TARBP1: variants seen among roughly 807,000 people sequenced by gnomAD.
TARBP1 encodes the protein tRNA guanosine 2 -O-methyltransferase TARBP1.
A neutral mutation model predicts 178.6 loss-of-function variants in TARBP1; 144 were observed. The observed-to-expected ratio is 0.81, with a 90% CI of 0.70 to 0.93. TARBP1 has a LOEUF of 0.93. Among genes scored for constraint, TARBP1 ranks in the 40% least tolerant of loss-of-function variants. The pLI, the probability that TARBP1 is intolerant of heterozygous loss-of-function variation, is 0.00. For synonymous variants in TARBP1, 787 were observed against 781.0 expected (o/e 1.01, Z -0.13); for missense variants, 2,067 against 2,011.7 (o/e 1.03, Z -0.53).
chr1:234,472,134 C>A (rs192202220), intron 2 of TARBP1, among the ~76,000 whole-genome samples: 1 of 152,078 alleles, frequency 6.6e-6, no homozygotes, highest in South Asian at 2.1e-4. Context: ...GTCAGGAGTG[C>A]AAGACCAGCC....
intron 6 of TARBP1, 22 bp from the exon 7 acceptor site, chr1:234,460,418 T>G: frequency 6.2e-7 from 1 of 1,612,604 alleles, no homozygotes; most frequent in Non-Finnish European, 8.5e-7. Flanking sequence ...AGTTTTAAAT[T>G]ATCATTGTTG....
At chr1:234,459,986 T>TA (rs1210099718) in intron 7 of TARBP1, among the ~76,000 whole-genome samples, 2 of 152,078 alleles carry the variant, frequency 1.3e-5, no homozygotes, top group African/African-American at 2.4e-5. Flanking sequence ...AATGTAATTT[T>TA]AAAAAAAACT....
chr1:234,429,039 A>G (rs1222598257), intron 17 of TARBP1, 97 bp downstream of exon 17: 8 of 1,136,872 alleles, frequency 7.0e-6, no homozygotes, highest in Admixed American at 6.4e-5. Flanking sequence ...AGGAATAAAG[A>G]GCCAAAAATC....
At chr1:234,444,052 G>C (rs1209532304) in intron 12 of TARBP1, among the ~76,000 whole-genome samples, 3 of 152,200 alleles carry the variant, frequency 2.0e-5, no homozygotes, top group African/African-American at 7.2e-5. Flanking sequence ...CTGCACAACA[G>C]TGTGAACGTA....
chr1:234,401,072 T>C, intron 25 of TARBP1, 109 bp downstream of exon 25: 1 of 780,228 alleles, frequency 1.3e-6, no homozygotes. Flanking sequence ...GTGATGTTTG[T>C]AAGCAAGAAA....
chr1:234,449,572 TGTAACA>T (rs1481459461), intron 10 of TARBP1, among the ~76,000 whole-genome samples: 1 of 152,130 alleles, frequency 6.6e-6, no homozygotes. Context: ...AATCTTCCAA[TGTAACA>T]GCATAAGACA....
At chr1:234,445,372 G>A (rs1477530975) in intron 12 of TARBP1, among the ~76,000 whole-genome samples, 1 of 152,056 alleles carries the variant, frequency 6.6e-6, no homozygotes, top group East Asian at 1.9e-4. Flanking sequence ...AATACCACCT[G>A]TATGTTAATG....
In TARBP1 at chr1:234,478,630, C is replaced by T. The variant is rs1173036621; in HGVS notation, c.474G>A (p.Pro158=). Reference sequence around the variant, plus strand: ...CGGTCCCCGCCACGCGCTCCAGTAGCGGCCCGTCCTCGCGGGGCCGCAAAC... The same window carrying T: ...CGGTCCCCGCCACGCGCTCCAGTAGTGGCCCGTCCTCGCGGGGCCGCAAAC... ...GPCLRPREDG[P]LLERVAGTAV... The change falls in exon 1 of 30, where the codon CCG becomes CCA. Residue 158 remains proline, a synonymous_variant. Coordinates refer to ENST00000040877, the MANE Select transcript of TARBP1 (RefSeq NM_005646.4). The T allele has an allele frequency of 1.5e-6, 2 of 1,298,320 alleles. No individual in the cohort carries two copies. Among genetic ancestry groups the T allele is most frequent in the African/African-American group, 1.6e-5 (1 of 63,874 alleles). 80.4% of individuals were successfully genotyped at this position (1,298,320 alleles called of 1,614,324 possible). A position where few individuals can be genotyped will look rare whatever the true frequency, so the allele number is the denominator to read the frequency against.
chr1:234,442,529 C>A (rs1206347668), intron 12 of TARBP1, among the ~76,000 whole-genome samples: 1 of 152,012 alleles, frequency 6.6e-6, no homozygotes, highest in Non-Finnish European at 1.5e-5. Context: ...AAGAAGCCAC[C>A]AGCAAATGAT....
rs544610070 is a variant in TARBP1, at chr1:234,406,927, C to G, written c.3793-828G>C. ...GCTGCGCCTGGCAGCCCAGTTTCTA[C>G]TGACCAATTCAAAACAACCATATTC... On this transcript the variant is annotated intron_variant, in intron 23 of 29. Coordinates refer to ENST00000040877, the MANE Select transcript of TARBP1 (RefSeq NM_005646.4). 6.6e-5 allele frequency: 10 copies of G among 152,376 alleles called. No individual in the cohort carries two copies. The East Asian group carries it at 1.9e-3, about 29-fold the overall frequency. The allele number at this position is 152,376 out of a possible 1,614,324, so 9.4% of individuals were successfully genotyped here.
rs760629816 is a variant in TARBP1 at position 234,405,911 on chromosome 1, G to A, written c.3981C>T (p.His1327=). ...TGACGAGGGCTCCTTACCCTGCTCC[G>A]TGCATGCTTTCCACTTGATGGAGGC... The part of the protein sequence containing the change: ...ESSLHQVESM[H]GAGNAKKNWQ... The change falls in exon 24 of 30, where the codon CAC becomes CAT. Residue 1327 remains histidine, a synonymous_variant. Coordinates refer to ENST00000040877, the MANE Select transcript of TARBP1 (RefSeq NM_005646.4). 2.3e-5 allele frequency: 37 copies of A among 1,613,748 alleles called. No individual in the cohort carries two copies. The highest frequency in any genetic ancestry group is 3.0e-5 in the Non-Finnish European group (35 of 1,179,866).
chr1:234,429,950 A>AT, intron 15 of TARBP1, 137 bp downstream of exon 15: 1 of 945,190 alleles, frequency 1.1e-6, no homozygotes, highest in South Asian at 1.7e-5. Context: ...ACAGAGATGA[A>AT]TAATGTTATA....
At chr1:234,461,783 T>C (rs760293065) in intron 6 of TARBP1, among the ~76,000 whole-genome samples, 3 of 152,230 alleles carry the variant, frequency 2.0e-5, no homozygotes, top group Non-Finnish European at 2.9e-5. Flanking sequence ...ATATTTCTAT[T>C]TTGAGATACA....
chr1:234,402,774 C>T (rs1013131575), intron 24 of TARBP1, among the ~76,000 whole-genome samples: 1 of 151,896 alleles, frequency 6.6e-6, no homozygotes, highest in Non-Finnish European at 1.5e-5. Flanking sequence ...TTATAGAGAA[C>T]GGGGTTTTGC....
intron 12 of TARBP1, among the ~76,000 whole-genome samples, chr1:234,445,371 T>C (rs1389556458): frequency 6.6e-6 from 1 of 152,154 alleles, no homozygotes; most frequent in East Asian, 1.9e-4. Flanking sequence ...AAATACCACC[T>C]GTATGTTAAT....
At chr1:234,418,289 T>C in intron 21 of TARBP1, 56 bp from the exon 22 acceptor site, 3 of 1,428,992 alleles carry the variant, frequency 2.1e-6, no homozygotes, top group South Asian at 1.4e-5. Context: ...AATTTAAAAA[T>C]AGTCTCCATT....
At chr1:234,460,434 T>C (rs1390810287) in intron 6 of TARBP1, 38 bp from the exon 7 acceptor site, 1 of 1,608,312 alleles carries the variant, frequency 6.2e-7, no homozygotes, top group Non-Finnish European at 8.5e-7. Context: ...TGTTGCCAAT[T>C]AGCACATGAA....
At chr1:234,433,347 G>A in intron 14 of TARBP1, 63 bp downstream of exon 14, 5 of 1,511,136 alleles carry the variant, frequency 3.3e-6, no homozygotes, top group Non-Finnish European at 4.5e-6. Flanking sequence ...TATAAGAACT[G>A]AATATGTATT....
chr1:234,457,169 G>C (rs1667363660), intron 9 of TARBP1, among the ~76,000 whole-genome samples: 1 of 152,216 alleles, frequency 6.6e-6, no homozygotes, highest in African/African-American at 2.4e-5. Context: ...AGGAGGGTCT[G>C]AGCTAGAGCC....
Sources: gnomAD v4.1 joint callset for allele counts (sites outside exome capture counted in the v4.1 genomes callset) on GRCh38, gnomAD v4.1.1 for gene constraint, MANE v1.5 for transcripts, NCBI Gene and HGNC (gene_info 2026-07-23, HGNC 2026-07-21) for gene names.